PHF8: variants seen among roughly 807,000 people sequenced by gnomAD.
PHF8 encodes histone lysine demethylase PHF8.
PHF8 carries 9 observed loss-of-function variants against 74.4 expected under a neutral mutation model. The ratio of observed to expected loss-of-function variants is 0.12; its 90% CI spans 0.07 to 0.21. The LOEUF (loss-of-function observed/expected upper bound fraction) is 0.21. PHF8 is among the 10% of genes least tolerant of loss of function. The pLI, the probability that PHF8 is intolerant of heterozygous loss-of-function variation, is 1.00. For missense variants in PHF8, 478 were observed against 816.6 expected (o/e 0.59, Z 5.05); for synonymous variants, 311 against 316.6 (o/e 0.98, Z 0.19).
At chrX:53,953,842 C>T (rs782725446) in intron 19 of PHF8, among the ~76,000 whole-genome samples, 44 of 110,950 alleles carry the variant, frequency 4.0e-4, no homozygotes, top group African/African-American at 1.4e-3. Context: ...TAAAAATGAC[C>T]CTACTATATG....
chrX:53,993,433 G>A (rs1024469908), intron 13 of PHF8, among the ~76,000 whole-genome samples, 168 bp downstream of exon 13: 2 of 111,958 alleles, frequency 1.8e-5, no homozygotes, highest in African/African-American at 3.2e-5. Context: ...CACAGTGCCC[G>A]GCATAGAAAA....
chrX:54,015,468 C>T (rs781978174), intron 6 of PHF8, among the ~76,000 whole-genome samples: 5 of 103,097 alleles, frequency 4.8e-5, no homozygotes, highest in Admixed American at 2.2e-4. Flanking sequence ...CCCAGCTACT[C>T]GGGAGGCTGA....
At chrX:53,985,272 G>A (rs1262450592) in intron 17 of PHF8, 45 bp from the exon 18 acceptor site, 12 of 1,043,681 alleles carry the variant, frequency 1.1e-5, no homozygotes, top group Non-Finnish European at 1.5e-5. Flanking sequence ...GTTTTTAGCT[G>A]TCAGAGTAAA....
At chrX:53,990,339 A>G (rs1431852197) in intron 14 of PHF8, among the ~76,000 whole-genome samples, 1 of 111,307 alleles carries the variant, frequency 9.0e-6, no homozygotes, top group Non-Finnish European at 1.9e-5. Flanking sequence ...GCATCACATC[A>G]TCTGTAAATA....
rs782075794 is a variant in PHF8, at chrX:54,042,945, G to C, written c.-92-125C>G. ...GCAACACAGCTGGTGCGGCTGTAGG[G>C]GGCAACCAGAGAAAGTCCACCCGGC... On this transcript the variant is annotated intron_variant, in intron 1 of 21. Coordinates refer to ENST00000338154, the MANE Select transcript of PHF8 (RefSeq NM_015107.3). 16 of 575,881 alleles carry C rather than the reference G, an allele frequency of 2.8e-5. No individual in the cohort carries two copies. In the South Asian group the frequency reaches 6.1e-4, roughly 22 times the overall value. 47.5% of individuals were successfully genotyped at this position (575,881 alleles called of 1,213,427 possible). A position where few individuals can be genotyped will look rare whatever the true frequency, so the allele number is the denominator to read the frequency against.
intron 2 of PHF8, among the ~76,000 whole-genome samples, chrX:54,034,503 C>G (rs2066415321): frequency 9.0e-6 from 1 of 111,507 alleles, no homozygotes; most frequent in Admixed American, 9.6e-5. Context: ...GAAAACTAAA[C>G]GTATCTGTTG....
intron 19 of PHF8, among the ~76,000 whole-genome samples, chrX:53,955,002 C>A (rs1176582127): frequency 9.0e-6 from 1 of 111,104 alleles, no homozygotes; most frequent in Non-Finnish European, 1.9e-5. Flanking sequence ...TTCTTCATGT[C>A]GGTTCCACAC....
At chrX:53,960,897 CT>C (rs2065093907) in intron 19 of PHF8, among the ~76,000 whole-genome samples, 1 of 110,841 alleles carries the variant, frequency 9.0e-6, no homozygotes, top group African/African-American at 3.3e-5. Context: ...GTGGTTCCTT[CT>C]TCATAATTCC....
chrX:53,938,280 G>T lies in PHF8; in HGVS notation c.*878C>A. ...CTGCGTCATTGGCAGGTGCTTTCAG[G>T]TTTCTGGGAGATGGTTTTCCACCTG... is the stretch of plus-strand genomic sequence containing the variant. On this transcript the variant is annotated 3_prime_UTR_variant, in exon 22 of 22. Transcript: ENST00000338154. 9.7e-7 allele frequency: 1 copy of T among 1,030,073 alleles called. No individual in the cohort carries two copies. 84.9% of individuals were successfully genotyped at this position (1,030,073 alleles called of 1,213,427 possible). A position where few individuals can be genotyped will look rare whatever the true frequency, so the allele number is the denominator to read the frequency against.
intron 2 of PHF8, among the ~76,000 whole-genome samples, chrX:54,038,230 T>G (rs2066494578): frequency 8.9e-6 from 1 of 112,380 alleles, no homozygotes; most frequent in Non-Finnish European, 1.9e-5. Flanking sequence ...TCCCAGTTGA[T>G]GAACTGTACT....
intron 10 of PHF8, 61 bp from the exon 11 acceptor site, chrX:54,000,022 G>T: frequency 1.4e-6 from 1 of 739,205 alleles, no homozygotes; most frequent in South Asian, 2.2e-5. Context: ...TGAAGGACTT[G>T]GGACTTTTGT....
intron 18 of PHF8, among the ~76,000 whole-genome samples, chrX:53,979,036 A>G (rs943286978): frequency 1.3e-4 from 14 of 111,138 alleles, no homozygotes; most frequent in Middle Eastern, 4.2e-3. Context: ...CTGGAAGAAT[A>G]TAAACATGTG....
intron 19 of PHF8, among the ~76,000 whole-genome samples, chrX:53,951,880 TATCA>T (rs2064929482): frequency 8.9e-6 from 1 of 111,848 alleles, no homozygotes; most frequent in Non-Finnish European, 1.9e-5. Context: ...AAAGAAAAAC[TATCA>T]ATCAGGAATT....
chrX:54,023,862 AAAG>A (rs1368489779), intron 2 of PHF8, among the ~76,000 whole-genome samples: 4 of 108,559 alleles, frequency 3.7e-5, no homozygotes, highest in Non-Finnish European at 7.6e-5. Flanking sequence ...AAAAAAAAAA[AAAG>A]AAGACCCAAG....
intron 18 of PHF8, among the ~76,000 whole-genome samples, chrX:53,965,972 C>T (rs979890786): frequency 7.3e-5 from 8 of 110,251 alleles, no homozygotes; most frequent in Non-Finnish European, 1.5e-4. Flanking sequence ...ATTTACCATA[C>T]AAAGACTAAA....
intron 18 of PHF8, among the ~76,000 whole-genome samples, chrX:53,984,489 T>C (rs2065529490): frequency 8.9e-6 from 1 of 112,155 alleles, no homozygotes; most frequent in African/African-American, 3.2e-5. Context: ...AGTCATCTCT[T>C]AAATGTAAAA....
At chrX:53,968,877 C>T (rs963363178) in intron 18 of PHF8, among the ~76,000 whole-genome samples, 2 of 111,109 alleles carry the variant, frequency 1.8e-5, no homozygotes, top group African/African-American at 6.5e-5. Context: ...CCACTGCACT[C>T]CAGCCTAGGT....
At chrX:54,019,775 A>G (rs2066135405) in intron 4 of PHF8, among the ~76,000 whole-genome samples, 1 of 95,771 alleles carries the variant, frequency 1.0e-5, no homozygotes, top group South Asian at 5.4e-4. Context: ...CCAACAGAGC[A>G]AGACACCGCC....
At chrX:53,945,076 T>A (rs1185693329) in intron 19 of PHF8, among the ~76,000 whole-genome samples, 1 of 109,174 alleles carries the variant, frequency 9.2e-6, no homozygotes, top group African/African-American at 3.3e-5. Context: ...GCCGGCACGG[T>A]GGCTCACACC....
Sources: allele counts gnomAD v4.1 joint callset (sites outside exome capture counted in the v4.1 genomes callset), GRCh38; gene constraint gnomAD v4.1.1; transcripts MANE v1.5; gene names NCBI Gene and HGNC (gene_info 2026-07-23, HGNC 2026-07-21).